PCDHA8: variants seen among roughly 807,000 people sequenced by gnomAD.
PCDHA8 encodes protocadherin alpha 8.
Under a neutral mutation model 61.8 loss-of-function variants are expected in PCDHA8, and 53 were observed. The observed-to-expected ratio is 0.86, with a 90% CI of 0.69 to 1.08. The LOEUF is 1.08. Ranked by LOEUF, PCDHA8 falls within the 50% of genes least tolerant of loss-of-function variation. The pLI is 0.00. For missense variants in PCDHA8, 1,293 were observed against 1,245.0 expected (o/e 1.04, Z -0.58); for synonymous variants, 618 against 556.6 (o/e 1.11, Z -1.55).
At position 140,842,485 on chromosome 5, in the gene PCDHA8, C is replaced by G. The variant is rs2150337249; in HGVS notation, c.1164C>G (p.Ser388=). ...GTGCCAACGGGCAGGTGACCTGCTC[C>G]CTGATGCCCCATGTCCCCTTCAAGC... ...DSGANGQVTC[S]LMPHVPFKLV... Residue 388 remains serine, a synonymous_variant, in exon 1 of 4, where the codon TCC becomes TCG. Coordinates refer to ENST00000531613, the MANE Select transcript of PCDHA8 (RefSeq NM_018911.3). 1 of 1,613,908 alleles carries G rather than the reference C, an allele frequency of 6.2e-7. No individual in the cohort carries two copies. The highest frequency in any genetic ancestry group is 8.5e-7 in the Non-Finnish European group (1 of 1,179,848).
At position 140,857,302 on chromosome 5, in the gene PCDHA8, G is replaced by C. The variant is rs782029015; in HGVS notation, c.2394+13587G>C. 5.0e-6 allele frequency: 8 copies of C among 1,598,652 alleles called. 1 individual carries two copies. The highest frequency in any genetic ancestry group is 3.4e-5 in the Admixed American group (2 of 59,338). On this transcript the variant is annotated intron_variant, in intron 1 of 3. Transcript: ENST00000531613. ...GCGCTCTGGACCGCGAGAGGGTGTCGGCCTATGAGCTGGTGGTGACCGCGC... is the reference window on the plus strand; with the variant it reads ...GCGCTCTGGACCGCGAGAGGGTGTCCGCCTATGAGCTGGTGGTGACCGCGC...
At chr5:140,967,029 G>T in intron 1 of PCDHA8, 1 of 1,609,056 alleles carries the variant, frequency 6.2e-7, no homozygotes, top group Non-Finnish European at 8.5e-7. Context: ...CCCAGTCCGC[G>T]CTACCTGGAG....
rs557764399 is a variant in PCDHA8, at chr5:140,865,245, G to A, written c.2394+21530G>A. On this transcript the variant is annotated intron_variant, in intron 1 of 3. Coordinates refer to ENST00000531613, the MANE Select transcript of PCDHA8 (RefSeq NM_018911.3). ...GGATCCCAGAGAACACGTATTTATA[G>A]CTGTAAGGATGTGTATCAAATTATA... The A allele has an allele frequency of 1.1e-3, 171 of 152,250 alleles. 2 individuals are homozygous for A. The highest frequency in any genetic ancestry group is 3.6e-3 in the African/African-American group (148 of 41,542). 9.4% of individuals were successfully genotyped at this position (152,250 alleles called of 1,614,324 possible).
At position 140,842,903 on chromosome 5, in the gene PCDHA8, C is replaced by G. The variant is rs2150347593; in HGVS notation, c.1582C>G (p.Leu528Val). The G allele has an allele frequency of 1.9e-5, 31 of 1,594,262 alleles. 5 individuals carry two copies. Among genetic ancestry groups the G allele is most frequent in the African/African-American group, 2.7e-5 (2 of 74,310 alleles). ...GCTGCAGCCGCTGGACCACGAGGAG[C>G]TAGAGCTGCTGCAGTTCCAGGTGAG... ...YALQPLDHEE[L>V]ELLQFQVSAR... The change falls in exon 1 of 4, where the codon CTA becomes GTA. Residue 528 changes from leucine to valine, a missense_variant. Coordinates refer to ENST00000531613, the MANE Select transcript of PCDHA8 (RefSeq NM_018911.3).
chr5:140,913,824 TC>T, intron 1 of PCDHA8, among the ~76,000 whole-genome samples: 1 of 152,216 alleles, frequency 6.6e-6, no homozygotes, highest in Middle Eastern at 3.2e-3. Context: ...CTTTTAAATT[TC>T]TTTATTGACC....
chr5:140,856,824 T>C (rs1554149171), intron 1 of PCDHA8: 1 of 1,592,156 alleles, frequency 6.3e-7, no homozygotes, highest in Middle Eastern at 1.7e-4. Flanking sequence ...AACCAAACAT[T>C]AGTAATACGG....
At chr5:140,960,855 A>T (rs1363929142) in intron 1 of PCDHA8, among the ~76,000 whole-genome samples, 1 of 152,204 alleles carries the variant, frequency 6.6e-6, no homozygotes, top group Non-Finnish European at 1.5e-5. Context: ...GGCAACTATA[A>T]GCCAGAAATT....
chr5:140,842,636 G>A lies in PCDHA8; in HGVS notation c.1315G>A (p.Ala439Thr). 1.3e-6 allele frequency: 2 copies of A among 1,591,718 alleles called. No homozygotes were observed. Among genetic ancestry groups the A allele is most frequent in the South Asian group, 1.1e-5 (1 of 90,382 alleles). ...GGGCTCGCCTTCGCTGTGGGCCACC[G>A]CCAGCTTGTCTGTGGAGGTGGCCGA... ...DGGSPSLWAT[A>T]SLSVEVADVN... Residue 439 changes from alanine to threonine, a missense_variant, in exon 1 of 4, where the codon GCC (alanine) becomes ACC (threonine). Ala to Thr is a moderately conservative substitution (Grantham distance 58, BLOSUM62 0). Coordinates refer to ENST00000531613, the MANE Select transcript of PCDHA8 (RefSeq NM_018911.3).
chr5:140,896,276 G>A (rs1368035002), intron 1 of PCDHA8, among the ~76,000 whole-genome samples: 1 of 152,176 alleles, frequency 6.6e-6, no homozygotes, highest in Non-Finnish European at 1.5e-5. Context: ...GGATTTGCTG[G>A]CTTGAATGGT....
intron 1 of PCDHA8, chr5:140,860,800 C>A (rs1270356784): frequency 1.3e-5 from 2 of 152,198 alleles, no homozygotes; most frequent in Non-Finnish European, 2.9e-5. Context: ...TGCAGTGGCA[C>A]GATCTCGGCT....
chr5:140,983,719 A>C (rs1417350764), intron 3 of PCDHA8, among the ~76,000 whole-genome samples: 1 of 152,256 alleles, frequency 6.6e-6, no homozygotes, highest in African/African-American at 2.4e-5. Context: ...TAGCACTTAT[A>C]TTCATAACAT....
At position 140,943,102 on chromosome 5, in the gene PCDHA8, A is replaced by G. The variant is rs142380810; in HGVS notation, c.2395-35847A>G. 2.6e-3 allele frequency among the ~76,000 whole-genome samples: 391 copies of G among 151,972 alleles called. 4 individuals are homozygous for G. In the East Asian group the frequency reaches 0.045, roughly 17 times the overall value. ...TGAAATCCTGCCTCTACTAAAAAAT[A>G]CAAAAATTAGCCAGGTGTGGTAGTG... On this transcript the variant is annotated intron_variant, in intron 1 of 3. Transcript: ENST00000531613.
intron 3 of PCDHA8, among the ~76,000 whole-genome samples, chr5:141,000,361 GTCTCTCTCTCTCTC>G (rs148596731): frequency 5.7e-4 from 15 of 26,444 alleles, no homozygotes; most frequent in African/African-American, 2.0e-3. Context: ...GTCTCTCTCT[GTCTCTCTCTCTCTC>G]TCTCTCTCTC....
chr5:140,994,568 G>T (rs1240135648), intron 3 of PCDHA8, among the ~76,000 whole-genome samples: 1 of 151,992 alleles, frequency 6.6e-6, no homozygotes, highest in Non-Finnish European at 1.5e-5. Context: ...AGCCGGGTGT[G>T]GTGGCATGCA....
intron 1 of PCDHA8, chr5:140,875,973 T>C (rs782725100): frequency 6.2e-7 from 1 of 1,614,042 alleles, no homozygotes; most frequent in Non-Finnish European, 8.5e-7. Context: ...TAAACTCTCT[T>C]TTGACCTATG....
At chr5:140,943,515 G>C (rs2093511975) in intron 1 of PCDHA8, among the ~76,000 whole-genome samples, 1 of 152,100 alleles carries the variant, frequency 6.6e-6, no homozygotes, top group African/African-American at 2.4e-5. Context: ...TGGAAATGTT[G>C]AGTTCAGTAT....
intron 1 of PCDHA8, chr5:140,859,840 A>G (rs989673306): frequency 6.6e-6 from 1 of 152,134 alleles, no homozygotes; most frequent in South Asian, 2.1e-4. Flanking sequence ...TTGTTATTTT[A>G]TCAAATAGGT....
At chr5:140,884,044 G>A (rs374333847) in intron 1 of PCDHA8, 16 of 1,613,358 alleles carry the variant, frequency 9.9e-6, no homozygotes, top group Non-Finnish European at 1.4e-5. Context: ...ACGTGGTGGC[G>A]AAGGTGCGCG....
chr5:140,986,106 G>A (rs2097187379), intron 3 of PCDHA8, among the ~76,000 whole-genome samples: 2 of 152,116 alleles, frequency 1.3e-5, no homozygotes, highest in Non-Finnish European at 2.9e-5. Context: ...AAAAGCCTAA[G>A]ATAAAGATGC....
Sources: gnomAD v4.1 joint callset for allele counts (sites outside exome capture counted in the v4.1 genomes callset) on GRCh38, gnomAD v4.1.1 for gene constraint, MANE v1.5 for transcripts, NCBI Gene and HGNC (gene_info 2026-07-23, HGNC 2026-07-21) for gene names.